FRMPD1: variants seen among roughly 807,000 people sequenced by gnomAD.
The protein encoded by FRMPD1 is FERM and PDZ domain containing 1, also known as FERM and PDZ domain-containing protein 1.
Under a neutral mutation model 117.8 loss-of-function variants are expected in FRMPD1, and 76 were observed. That is an observed-to-expected ratio of 0.65 (90% CI 0.54 to 0.78). The LOEUF is 0.78. Among genes scored for constraint, FRMPD1 ranks in the 30% least tolerant of loss-of-function variants. The pLI is 0.00. For synonymous variants in FRMPD1, 783 were observed against 770.4 expected (o/e 1.02, Z -0.27); for missense variants, 1,786 against 1,964.5 (o/e 0.91, Z 1.72).
intron 5 of FRMPD1, among the ~76,000 whole-genome samples, chr9:37,711,662 G>A (rs1487284485): frequency 1.3e-5 from 2 of 152,198 alleles, no homozygotes; most frequent in African/African-American, 4.8e-5. Flanking sequence ...TAGGATGATG[G>A]TAAGGGCACC....
At chr9:37,621,594 G>A in the FRMPD1 span, among the ~76,000 whole-genome samples, 15,504 of 152,174 alleles carry the variant, frequency 0.1, 1,048 homozygotes, top group East Asian at 0.27. Context: ...TCTGACTCCC[G>A]CCCTGGAAAT....
intron 5 of FRMPD1, among the ~76,000 whole-genome samples, chr9:37,718,567 C>A (rs1823251985): frequency 6.6e-6 from 1 of 152,134 alleles, no homozygotes; most frequent in Non-Finnish European, 1.5e-5. Context: ...CGAAGTGGAG[C>A]CAAGGGTAAG....
rs139989415 is a variant in FRMPD1, at chr9:37,655,567, G to A, written c.-5+4473G>A. 2.1e-3 allele frequency among the ~76,000 whole-genome samples: 309 copies of A among 145,440 alleles called. 13 individuals are homozygous for A. In the East Asian group the frequency reaches 0.062, roughly 29 times the overall value. The stretch of plus-strand genomic sequence containing the variant: ...TGCCCAGGCTGGAGTGCAGTGGTGC[G>A]ATCTCGGCTCACTGCAACCTCTGCC... On this transcript the variant is annotated intron_variant, in intron 1 of 15. Transcript: ENST00000377765.
chr9:37,624,060 T>C, the FRMPD1 span, among the ~76,000 whole-genome samples: 8 of 151,848 alleles, frequency 5.3e-5, no homozygotes, highest in Middle Eastern at 9.5e-3. Context: ...ACTTGCAGAG[T>C]TGTGGGCCAG....
At chr9:37,608,598 C>T in the FRMPD1 span, among the ~76,000 whole-genome samples, 16 of 152,098 alleles carry the variant, frequency 1.1e-4, no homozygotes, top group Non-Finnish European at 2.1e-4. Flanking sequence ...CTATCTCAGC[C>T]TCCCAAGTAG....
chr9:37,746,572 T>TCGCC lies in FRMPD1; in HGVS notation c.4541_4542insGCCC (p.Ala1515ProfsTer26). On this transcript the variant is annotated frameshift_variant, in exon 16 of 16. Coordinates refer to ENST00000377765, the MANE Select transcript of FRMPD1 (RefSeq NM_014907.3). LOFTEE classifies it high-confidence loss of function. ...TCAGTTCACAGACTGTAGCCGCTGC[T>TCGCC]CCGCCCGGCACAGGGAGGCAGCGGG... 2.5e-6 allele frequency: 4 copies of TCGCC among 1,613,702 alleles called. No homozygotes were observed. The highest frequency in any genetic ancestry group is 3.4e-6 in the Non-Finnish European group (4 of 1,179,938).
At chr9:37,625,064 T>A in the FRMPD1 span, among the ~76,000 whole-genome samples, 3 of 152,240 alleles carry the variant, frequency 2.0e-5, no homozygotes, top group African/African-American at 7.2e-5. Context: ...TCAGATATTC[T>A]TGGAGTGAGA....
intron 15 of FRMPD1, among the ~76,000 whole-genome samples, chr9:37,744,069 A>T (rs1588976598): frequency 6.6e-6 from 1 of 151,812 alleles, no homozygotes; most frequent in Non-Finnish European, 1.5e-5. Context: ...GATGCCTGTA[A>T]TCTCAGCTAC....
rs573955616 is a variant in FRMPD1 at position 37,667,062 on chromosome 9, C to CTTTTTTTT, written c.-5+15977_-5+15984dup. Among the ~76,000 whole-genome samples the CTTTTTTTT allele has an allele frequency of 7.5e-3, 837 of 110,972 alleles. 68 individuals are homozygous for CTTTTTTTT. The highest frequency in any genetic ancestry group is 0.032 in the African/African-American group (796 of 25,260). 72.8% of individuals were successfully genotyped at this position (110,972 alleles called of 152,430 possible). On this transcript the variant is annotated intron_variant, in intron 1 of 15. Transcript: ENST00000377765. ...GGAAAAGAGAGACAATTGAAGCATG[C>CTTTTTTTT]TTTTTTTTTTTTTTTTCCTGAGACA...
chr9:37,613,812 C>T, the FRMPD1 span, among the ~76,000 whole-genome samples: 1 of 152,204 alleles, frequency 6.6e-6, no homozygotes, highest in South Asian at 2.1e-4. Context: ...GGCTTCATGG[C>T]ACTTATTACA....
At chr9:37,697,743 ATCT>A (rs977119283) in intron 2 of FRMPD1, among the ~76,000 whole-genome samples, 9 of 152,240 alleles carry the variant, frequency 5.9e-5, no homozygotes, top group East Asian at 1.9e-4. Flanking sequence ...TCAAATTGTC[ATCT>A]TCTTTATAGC....
chr9:37,719,617 C>A (rs1054231912), intron 6 of FRMPD1, among the ~76,000 whole-genome samples: 1 of 152,162 alleles, frequency 6.6e-6, no homozygotes, highest in Non-Finnish European at 1.5e-5. Flanking sequence ...TGTGTACAGT[C>A]CTTAGACATC....
chr9:37,711,295 G>A, intron 4 of FRMPD1, 55 bp from the exon 5 acceptor site: 1 of 1,109,158 alleles, frequency 9.0e-7, no homozygotes, highest in Non-Finnish European at 1.4e-6. Flanking sequence ...GCATGCACGT[G>A]CATCCATCAC....
chr9:37,628,086 G>T, the FRMPD1 span, among the ~76,000 whole-genome samples: 19 of 152,330 alleles, frequency 1.2e-4, no homozygotes, highest in South Asian at 1.0e-3. Context: ...AGTGAGGCAT[G>T]CTGTTTTGCA....
chr9:37,712,174 G>T (rs940837502), intron 5 of FRMPD1, among the ~76,000 whole-genome samples: 14 of 152,060 alleles, frequency 9.2e-5, no homozygotes, highest in African/African-American at 3.4e-4. Flanking sequence ...ATGAAAAACT[G>T]TGCAGGTCCC....
At chr9:37,741,451 A>ACACT (rs1491223872) in intron 15 of FRMPD1, among the ~76,000 whole-genome samples, 1 of 18,496 alleles carries the variant, frequency 5.4e-5, no homozygotes, top group Non-Finnish European at 1.0e-4. Flanking sequence ...TCCTGGCAGG[A>ACACT]CACACACACA....
intron 14 of FRMPD1, among the ~76,000 whole-genome samples, chr9:37,738,699 C>T (rs988972368): frequency 2.0e-5 from 3 of 152,120 alleles, no homozygotes; most frequent in African/African-American, 7.2e-5. Flanking sequence ...AGAGTCTGCT[C>T]AGGGAGACAA....
the FRMPD1 span, among the ~76,000 whole-genome samples, chr9:37,608,971 A>C: frequency 6.6e-6 from 1 of 152,156 alleles, no homozygotes; most frequent in African/African-American, 2.4e-5. Flanking sequence ...CCAACTGTCC[A>C]CTCAACATCT....
chr9:37,738,564 C>G lies in FRMPD1; in HGVS notation c.1549+1321C>G, dbSNP rs549586807. 4.6e-5 allele frequency among the ~76,000 whole-genome samples: 7 copies of G among 152,246 alleles called. No homozygotes were observed. In the South Asian group the frequency reaches 1.5e-3, roughly 32 times the overall value. ...ATGTTGGTCAGACTGGTCTCGAGCCCCTGACCTCAAATGATCTGCCCACCT... is the reference window on the plus strand; with the variant it reads ...ATGTTGGTCAGACTGGTCTCGAGCCGCTGACCTCAAATGATCTGCCCACCT... On this transcript the variant is annotated intron_variant, in intron 14 of 15. Transcript: ENST00000377765.
Sources: gnomAD v4.1 joint callset for allele counts (sites outside exome capture counted in the v4.1 genomes callset) on GRCh38, gnomAD v4.1.1 for gene constraint, MANE v1.5 for transcripts, NCBI Gene and HGNC (gene_info 2026-07-23, HGNC 2026-07-21) for gene names.